The following VWC2 variants were observed in gnomAD, a reference collection of about 807,000 sequenced individuals.
The protein encoded by VWC2 is brorin.
VWC2 carries 14 observed loss-of-function variants against 29.8 expected under a neutral mutation model. That is an observed-to-expected ratio of 0.47 (90% CI 0.31 to 0.74). The LOEUF (loss-of-function observed/expected upper bound fraction) is 0.74, where lower values mean the gene tolerates loss of function less well. Ranked by LOEUF, VWC2 falls within the 30% of genes least tolerant of loss-of-function variation. The pLI is 0.05. For synonymous variants in VWC2, 213 were observed against 199.0 expected (o/e 1.07, Z -0.59); for missense variants, 457 against 459.8 (o/e 0.99, Z 0.05).
intron 3 of VWC2, among the ~76,000 whole-genome samples, chr7:49,881,877 T>C (rs768703501): frequency 1.3e-5 from 2 of 152,094 alleles, no homozygotes; most frequent in Non-Finnish European, 2.9e-5. Context: ...ATAGATTTTT[T>C]AATAAAAGAG....
In VWC2 at chr7:49,918,135, A is replaced by C. The variant is rs1018967380; in HGVS notation, c.*5950A>C. On this transcript the variant is annotated 3_prime_UTR_variant, in exon 4 of 4. Coordinates refer to ENST00000340652, the MANE Select transcript of VWC2 (RefSeq NM_198570.5). ...TTTCCTTCACTTATTATCACATTTAACCTCACAGTTCTCCCAAATTGTGGG... is the reference window on the plus strand; with the variant it reads ...TTTCCTTCACTTATTATCACATTTACCCTCACAGTTCTCCCAAATTGTGGG... 6.6e-6 allele frequency: 1 copy of C among 152,182 alleles called. No individual in the cohort carries two copies. The highest frequency in any genetic ancestry group is 2.4e-5 in the African/African-American group (1 of 41,456). The allele number at this position is 152,182 out of a possible 1,614,324, so 9.4% of individuals were successfully genotyped here.
At chr7:49,872,791 C>T (rs1791220716) in intron 3 of VWC2, among the ~76,000 whole-genome samples, 1 of 149,316 alleles carries the variant, frequency 6.7e-6, no homozygotes, top group Non-Finnish European at 1.5e-5. Flanking sequence ...TGGCACACAC[C>T]TGTAATCCCA....
At chr7:49,818,199 C>T (rs1033845502) in intron 3 of VWC2, among the ~76,000 whole-genome samples, 1 of 148,694 alleles carries the variant, frequency 6.7e-6, no homozygotes, top group African/African-American at 2.5e-5. Flanking sequence ...ATTAGAATTC[C>T]TATTACTTAA....
intron 3 of VWC2, among the ~76,000 whole-genome samples, chr7:49,807,649 A>C (rs1322428702): frequency 6.6e-6 from 1 of 152,232 alleles, no homozygotes; most frequent in African/African-American, 2.4e-5. Context: ...TGCTGATTTA[A>C]ATATGAAGGC....
intron 3 of VWC2, among the ~76,000 whole-genome samples, chr7:49,817,321 T>C (rs1490792962): frequency 2.0e-5 from 3 of 152,244 alleles, no homozygotes; most frequent in Non-Finnish European, 4.4e-5. Context: ...CTCAGGCAGA[T>C]ATCTTTACCA....
At chr7:49,819,481 C>G (rs1789218699) in intron 3 of VWC2, among the ~76,000 whole-genome samples, 1 of 152,138 alleles carries the variant, frequency 6.6e-6, no homozygotes, top group South Asian at 2.1e-4. Flanking sequence ...TGCTGTGCAG[C>G]CTAAAATGTA....
chr7:49,848,149 T>C (rs148869414), intron 3 of VWC2, among the ~76,000 whole-genome samples: 4,960 of 152,114 alleles, frequency 0.033, 307 homozygotes, highest in Admixed American at 0.16. Context: ...GTCTAACCAG[T>C]GGGGGCTGGG....
At chr7:49,835,890 T>C (rs1789646385) in intron 3 of VWC2, among the ~76,000 whole-genome samples, 1 of 152,242 alleles carries the variant, frequency 6.6e-6, no homozygotes, top group Non-Finnish European at 1.5e-5. Context: ...ACCATTTTTT[T>C]AATTGTATGA....
rs1583838710 is a variant in VWC2, at chr7:49,918,855, T to C, written c.*6670T>C. On this transcript the variant is annotated 3_prime_UTR_variant, in exon 4 of 4. Transcript: ENST00000340652. ...GAGGCTGAGGCAGGTGGATCAGGAG[T>C]TTGAGGCCAACCTGACCAACATGTG... 1 of 151,776 alleles carries C rather than the reference T, an allele frequency of 6.6e-6. No individual in the cohort carries two copies. Among genetic ancestry groups the C allele is most frequent in the Admixed American group, 6.6e-5 (1 of 15,236 alleles). 9.4% of individuals were successfully genotyped at this position (151,776 alleles called of 1,614,324 possible).
intron 2 of VWC2, among the ~76,000 whole-genome samples, chr7:49,781,623 C>T (rs1788179265): frequency 6.6e-6 from 1 of 152,176 alleles, no homozygotes; most frequent in South Asian, 2.1e-4. Context: ...CTCTGAAGAT[C>T]GTGCATAGTG....
At chr7:49,891,993 T>C (rs549686554) in intron 3 of VWC2, among the ~76,000 whole-genome samples, 2 of 148,802 alleles carry the variant, frequency 1.3e-5, no homozygotes. Flanking sequence ...CTATAAATTA[T>C]AACCAAAAGA....
intron 3 of VWC2, among the ~76,000 whole-genome samples, chr7:49,870,740 A>G (rs1791114540): frequency 6.6e-6 from 1 of 152,224 alleles, no homozygotes; most frequent in South Asian, 2.1e-4. Context: ...ACTAATCCAC[A>G]CTGCTGAAAA....
rs1793536829 is a variant in VWC2 at position 49,912,982 on chromosome 7, C to T, written c.*797C>T. 1 of 152,162 alleles carries T rather than the reference C, an allele frequency of 6.6e-6. No individual in the cohort carries two copies. The highest frequency in any genetic ancestry group is 2.4e-5 in the African/African-American group (1 of 41,444). 9.4% of individuals were successfully genotyped at this position (152,162 alleles called of 1,614,324 possible). A position where few individuals can be genotyped will look rare whatever the true frequency, so the allele number is the denominator to read the frequency against. On this transcript the variant is annotated 3_prime_UTR_variant, in exon 4 of 4. Transcript: ENST00000340652. ...GGCTGGAAAATTTGCATTACTGTTC[C>T]ATCAAGCTGAAGCAGACAACAAAAT... is the stretch of plus-strand genomic sequence containing the variant.
chr7:49,812,529 A>G (rs1789038174), intron 3 of VWC2, among the ~76,000 whole-genome samples: 1 of 152,190 alleles, frequency 6.6e-6, no homozygotes, highest in African/African-American at 2.4e-5. Flanking sequence ...ATAAGTATAT[A>G]TTATTTGCCA....
At chr7:49,811,621 T>C (rs1789008881) in intron 3 of VWC2, among the ~76,000 whole-genome samples, 1 of 152,218 alleles carries the variant, frequency 6.6e-6, no homozygotes, top group Non-Finnish European at 1.5e-5. Flanking sequence ...AATGCAATAC[T>C]ACTGTACCCC....
At chr7:49,909,154 A>T (rs1026797976) in intron 3 of VWC2, among the ~76,000 whole-genome samples, 44 of 152,290 alleles carry the variant, frequency 2.9e-4, no homozygotes, top group African/African-American at 1.0e-3. Flanking sequence ...TAAGTACCAG[A>T]TTTTTAATCC....
chr7:49,900,928 T>G (rs750070089), intron 3 of VWC2, among the ~76,000 whole-genome samples: 10 of 151,846 alleles, frequency 6.6e-5, no homozygotes, highest in Non-Finnish European at 1.2e-4. Context: ...TACATGGGAT[T>G]TATCCCAGGT....
intron 3 of VWC2, among the ~76,000 whole-genome samples, chr7:49,874,535 C>T (rs146983653): frequency 2.7e-4 from 36 of 135,704 alleles, no homozygotes; most frequent in African/African-American, 9.6e-4. Context: ...TGTTACATGA[C>T]GCATGACTAT....
chr7:49,859,079 A>G (rs1790542782), intron 3 of VWC2, among the ~76,000 whole-genome samples: 1 of 152,214 alleles, frequency 6.6e-6, no homozygotes, highest in African/African-American at 2.4e-5. Context: ...TGTGGCCCAT[A>G]TGGGCACATA....
Sources: gnomAD v4.1 joint callset for allele counts (sites outside exome capture counted in the v4.1 genomes callset) on GRCh38, gnomAD v4.1.1 for gene constraint, MANE v1.5 for transcripts, NCBI Gene and HGNC (gene_info 2026-07-23, HGNC 2026-07-21) for gene names.